JPH2: variants seen among roughly 807,000 people sequenced by gnomAD.
The protein encoded by JPH2 is junctophilin-2.
In JPH2, 38 loss-of-function variants were observed where a neutral mutation model predicts 55.9. That is an observed-to-expected ratio of 0.68 (90% CI 0.52 to 0.89). The LOEUF (loss-of-function observed/expected upper bound fraction) is 0.89. Ranked by LOEUF, JPH2 falls within the 40% of genes least tolerant of loss-of-function variation. The pLI, the probability that JPH2 is intolerant of heterozygous loss-of-function variation, is 0.00. For missense variants in JPH2, 964 were observed against 1,037.6 expected (o/e 0.93, Z 0.97); for synonymous variants, 480 against 472.4 (o/e 1.02, Z -0.21).
intron 2 of JPH2, among the ~76,000 whole-genome samples, chr20:44,134,666 AAATAT>A (rs2072386797): frequency 1.4e-4 from 6 of 44,024 alleles, no homozygotes; most frequent in East Asian, 6.9e-4. Flanking sequence ...AAATATATAT[AAATAT>A]ATATTTATAA....
rs960706952 is a variant in JPH2, at chr20:44,108,969, A to C, written c.*4549T>G. ...GTTATTTCCTCAAGCTTCTTCAGAGAAGAAGGAAACTTCCTTCCCTGAACT... is the reference window on the plus strand; with the variant it reads ...GTTATTTCCTCAAGCTTCTTCAGAGCAGAAGGAAACTTCCTTCCCTGAACT... On this transcript the variant is annotated 3_prime_UTR_variant, in exon 6 of 6. Transcript: ENST00000372980. 1.3e-5 allele frequency among the ~76,000 whole-genome samples: 2 copies of C among 152,190 alleles called. No homozygotes were observed. The highest frequency in any genetic ancestry group is 2.9e-5 in the Non-Finnish European group (2 of 68,042).
intron 2 of JPH2, among the ~76,000 whole-genome samples, chr20:44,141,406 G>A (rs2072455490): frequency 2.0e-5 from 3 of 152,164 alleles, no homozygotes; most frequent in South Asian, 2.1e-4. Flanking sequence ...AAGGCAGATG[G>A]AGGCGGGTCC....
intron 2 of JPH2, among the ~76,000 whole-genome samples, chr20:44,134,923 A>ATGTAT (rs1569195979): frequency 3.8e-3 from 182 of 47,926 alleles, no homozygotes; most frequent in Non-Finnish European, 6.3e-3. Flanking sequence ...AAATATATAT[A>ATGTAT]TTTATATATA....
At chr20:44,185,515 G>T (rs1436732421) in intron 1 of JPH2, among the ~76,000 whole-genome samples, 2 of 151,816 alleles carry the variant, frequency 1.3e-5, no homozygotes, top group African/African-American at 4.8e-5. Context: ...CACACCTGTA[G>T]TCCCAATTAC....
intron 1 of JPH2, among the ~76,000 whole-genome samples, chr20:44,170,223 C>T (rs564338631): frequency 1.3e-5 from 2 of 152,248 alleles, no homozygotes; most frequent in South Asian, 4.2e-4. Context: ...TTCCCAAATC[C>T]TTCATAGCCC....
chr20:44,177,965 A>G lies in JPH2; in HGVS notation c.379+8362T>C, dbSNP rs201154981. 8.0e-5 allele frequency: 91 copies of G among 1,133,786 alleles called. No individual in the cohort carries two copies. In the East Asian group the frequency reaches 2.0e-3, roughly 25 times the overall value. The allele number at this position is 1,133,786 out of a possible 1,614,324, so 70.2% of individuals were successfully genotyped here. On this transcript the variant is annotated intron_variant, in intron 1 of 5. Coordinates refer to ENST00000372980, the MANE Select transcript of JPH2 (RefSeq NM_020433.5). ...CGACCATATTCTGAGGGCGATTTTA[A>G]CACATCCCTAAAGGAAAAAAGGAAA...
In JPH2 at chr20:44,115,781, C is replaced by T. The variant is rs200149713; in HGVS notation, c.1894G>A (p.Glu632Lys). ...GTCTTGCGGGCCTTGGCCCTGGGCT[C>T]GGCTTTGGGGATGATGGGCTTGGGC... is the stretch of plus-strand genomic sequence containing the variant. ...LEPKPIIPKA[E>K]PRAKARKTEA... The change falls in exon 4 of 6, where the codon GAG becomes AAG. Residue 632 changes from glutamate to lysine, a missense_variant. Transcript: ENST00000372980. The T allele has an allele frequency of 9.3e-6, 15 of 1,610,646 alleles. No homozygotes were observed. The African/African-American group carries it at 1.2e-4, about 13-fold the overall frequency.
rs552769832 is a variant in JPH2, at chr20:44,181,746, T to C, written c.379+4581A>G. Among the ~76,000 whole-genome samples the C allele has an allele frequency of 4.6e-5, 7 of 152,298 alleles. No individual in the cohort carries two copies. The East Asian group carries it at 1.4e-3, about 29-fold the overall frequency. ...GTCACCTGGCTCACTCCTGCACATA[T>C]GTCGGGGCTTGGCTTGCAGCTGACT... On this transcript the variant is annotated intron_variant, in intron 1 of 5. Transcript: ENST00000372980.
chr20:44,111,289 T>C lies in JPH2; in HGVS notation c.*2229A>G, dbSNP rs1266973792. Reference sequence around the variant, plus strand: ...CGTGATAACAACACTCGTCTCCATTTCTCCACTGCTTTCTACAGCCTCAAC... The same window carrying C: ...CGTGATAACAACACTCGTCTCCATTCCTCCACTGCTTTCTACAGCCTCAAC... On this transcript the variant is annotated 3_prime_UTR_variant, in exon 6 of 6. Transcript: ENST00000372980. Among the ~76,000 whole-genome samples the C allele has an allele frequency of 6.6e-6, 1 of 152,156 alleles. No individual in the cohort carries two copies. The highest frequency in any genetic ancestry group is 2.4e-5 in the African/African-American group (1 of 41,422).
intron 1 of JPH2, among the ~76,000 whole-genome samples, chr20:44,163,763 A>C (rs1175163528): frequency 6.6e-6 from 1 of 152,200 alleles, no homozygotes. Flanking sequence ...ACTTTAAAAG[A>C]AAACAACTGA....
chr20:44,184,530 T>C (rs959345887), intron 1 of JPH2, among the ~76,000 whole-genome samples: 2 of 152,214 alleles, frequency 1.3e-5, no homozygotes, highest in Non-Finnish European at 2.9e-5. Context: ...TCAATGGTGC[T>C]GATGCTGCCC....
chr20:44,165,025 A>C (rs2072646181), intron 1 of JPH2, among the ~76,000 whole-genome samples: 3 of 151,848 alleles, frequency 2.0e-5, no homozygotes, highest in Admixed American at 2.0e-4. Context: ...TTTAGTAGAG[A>C]TGGGGTTTCA....
At chr20:44,181,243 C>T (rs2072781230) in intron 1 of JPH2, among the ~76,000 whole-genome samples, 1 of 152,170 alleles carries the variant, frequency 6.6e-6, no homozygotes, top group South Asian at 2.1e-4. Flanking sequence ...CACCTTAGAA[C>T]AATGAGTGTC....
chr20:44,133,447 A>T (rs185383305), intron 2 of JPH2, among the ~76,000 whole-genome samples: 309 of 152,258 alleles, frequency 2.0e-3, no homozygotes, highest in South Asian at 7.7e-3. Context: ...GAATAGGGAA[A>T]CTAGGCCTCC....
chr20:44,180,511 TC>T (rs1368499696), intron 1 of JPH2, among the ~76,000 whole-genome samples: 3 of 152,116 alleles, frequency 2.0e-5, no homozygotes, highest in Non-Finnish European at 4.4e-5. Flanking sequence ...TTTGTATTTT[TC>T]TTTTTTGTAG....
intron 1 of JPH2, among the ~76,000 whole-genome samples, chr20:44,166,002 G>A (rs1034988496): frequency 3.3e-5 from 5 of 152,056 alleles, no homozygotes; most frequent in Admixed American, 6.6e-5. Context: ...ACTGGCATGC[G>A]AGCTCCTTAA....
chr20:44,110,225 T>G lies in JPH2; in HGVS notation c.*3293A>C, dbSNP rs984391692. ...CCCCAACTCATCCAACACACACACA[T>G]ACACACACACACACAGACACACCCC... On this transcript the variant is annotated 3_prime_UTR_variant, in exon 6 of 6. Coordinates refer to ENST00000372980, the MANE Select transcript of JPH2 (RefSeq NM_020433.5). Among the ~76,000 whole-genome samples, 1 of 150,016 alleles carries G rather than the reference T, an allele frequency of 6.7e-6. No homozygotes were observed. Among genetic ancestry groups the G allele is most frequent in the African/African-American group, 2.5e-5 (1 of 40,798 alleles).
chr20:44,134,890 ATATATATTTAT>A (rs2072396472), intron 2 of JPH2, among the ~76,000 whole-genome samples: 1 of 35,716 alleles, frequency 2.8e-5, no homozygotes, highest in Non-Finnish European at 5.2e-5. Flanking sequence ...ATATATATTA[ATATATATTTAT>A]ATATATATAT....
Position 44,160,456 on chromosome 20 carries a change from C to A in JPH2, c.380-49G>T. 1 of 1,580,692 alleles carries A rather than the reference C, an allele frequency of 6.3e-7. No homozygotes were observed. The highest frequency in any genetic ancestry group is 2.0e-4 in the Middle Eastern group (1 of 4,916). ...CAGTAGGCGGCACGACGGGTCCCCG[C>A]GTGTGCACGGTGGCCTGGGAGGGCA... is the stretch of plus-strand genomic sequence containing the variant. On this transcript the variant is annotated intron_variant, in intron 1 of 5. Coordinates refer to ENST00000372980, the MANE Select transcript of JPH2 (RefSeq NM_020433.5). This position sits in a 1 kb window ranked among gnomAD's most constrained non-coding sequence, Gnocchi z 4.9.
Sources: allele counts gnomAD v4.1 joint callset (sites outside exome capture counted in the v4.1 genomes callset), GRCh38; gene constraint gnomAD v4.1.1; non-coding constraint Gnocchi (gnomAD v3.1); transcripts MANE v1.5; gene names NCBI Gene and HGNC (gene_info 2026-07-23, HGNC 2026-07-21).